Variants in DNAJB1 observed in about 807,000 individuals in gnomAD.
DNAJB1 encodes the protein DnaJ heat shock protein family (Hsp40) member B1, also known as dnaJ homolog subfamily B member 1.
In DNAJB1, 14 loss-of-function variants were observed where a neutral mutation model predicts 24.0. The ratio of observed to expected loss-of-function variants is 0.58; its 90% confidence interval spans 0.39 to 0.91. DNAJB1 has a LOEUF of 0.91. Ranked by LOEUF, DNAJB1 falls within the 40% of genes least tolerant of loss-of-function variation. The pLI is 0.00. For synonymous variants in DNAJB1, 262 were observed against 174.4 expected (o/e 1.50, Z -3.96); for missense variants, 517 against 458.1 (o/e 1.13, Z -1.17).
chr19:14,521,287 C>T (rs1047561774), upstream of DNAJB1, among the ~76,000 whole-genome samples: 1 of 151,732 alleles, frequency 6.6e-6, no homozygotes, highest in African/African-American at 2.4e-5. Flanking sequence ...GGTGAAACCC[C>T]GTCTCTACTA....
At position 14,516,236 on chromosome 19, in the gene DNAJB1, C is replaced by T. The variant is rs147299660; in HGVS notation, c.793-66G>A. Reference sequence around the variant, plus strand: ...AAGAGGCTCAGCTCTTGCCCAGAGGCCGTCTGCCATAGATAAGACCCATCA... The same window carrying T: ...AAGAGGCTCAGCTCTTGCCCAGAGGTCGTCTGCCATAGATAAGACCCATCA... On this transcript the variant is annotated intron_variant, in intron 2 of 2. Transcript: ENST00000254322. 1.3e-5 allele frequency: 21 copies of T among 1,572,416 alleles called. No individual in the cohort carries two copies. In the African/African-American group the frequency reaches 2.4e-4, roughly 18 times the overall value.
upstream of DNAJB1, among the ~76,000 whole-genome samples, chr19:14,554,261 G>A (rs1383768997): frequency 6.6e-6 from 1 of 152,200 alleles, no homozygotes; most frequent in Non-Finnish European, 1.5e-5. Context: ...CCCGGGCAGG[G>A]AACGTGAAAT....
chr19:14,517,214 A>G, intron 1 of DNAJB1, 168 bp from the exon 2 acceptor site: 1 of 631,576 alleles, frequency 1.6e-6, no homozygotes, highest in East Asian at 2.8e-5. Flanking sequence ...AACAGCAGAG[A>G]CGCCCCCCTA....
rs2072233592 is a variant in DNAJB1 at position 14,515,133 on chromosome 19, G to A, written c.*807C>T. On this transcript the variant is annotated 3_prime_UTR_variant, in exon 3 of 3. Coordinates refer to ENST00000254322, the MANE Select transcript of DNAJB1 (RefSeq NM_006145.3). ...AAATTCAAAAGGATCAGATCCCTTTGAAAGAGTCCATAGTCCATGAAACAA... is the reference window on the plus strand; with the variant it reads ...AAATTCAAAAGGATCAGATCCCTTTAAAAGAGTCCATAGTCCATGAAACAA... 1 of 152,626 alleles carries A rather than the reference G, an allele frequency of 6.6e-6. No homozygotes were observed. The highest frequency in any genetic ancestry group is 1.5e-5 in the Non-Finnish European group (1 of 68,034). The allele number at this position is 152,626 out of a possible 1,614,324, so 9.5% of individuals were successfully genotyped here.
chr19:14,542,136 ATTGTT>A (rs2146576526), intron 1 of DNAJB1, among the ~76,000 whole-genome samples: 1 of 151,912 alleles, frequency 6.6e-6, no homozygotes, highest in African/African-American at 2.4e-5. Context: ...CCTATGAATT[ATTGTT>A]TTTAGTAGAG....
chr19:14,521,008 T>C (rs2072353702), upstream of DNAJB1, among the ~76,000 whole-genome samples: 2 of 151,942 alleles, frequency 1.3e-5, no homozygotes, highest in South Asian at 4.2e-4. Context: ...AAAAAAATTA[T>C]ATAAATAACT....
At chr19:14,530,482 A>C (rs1325681663), upstream of DNAJB1, 1 of 152,236 alleles carries the variant, frequency 6.6e-6, no homozygotes, top group Non-Finnish European at 1.5e-5. Flanking sequence ...CAAATAATAA[A>C]ATTTGTTATT....
Position 14,537,014 on chromosome 19 carries a change from G to A in DNAJB1, c.-213-9204C>T, listed in dbSNP as rs372149298. ...GAGGAGGAGGTGGGGCTTGAGGACGGGGAGGGGTGTCGAGGAGGGGGAGGC... is the reference window on the plus strand; with the variant it reads ...GAGGAGGAGGTGGGGCTTGAGGACGAGGAGGGGTGTCGAGGAGGGGGAGGC... On this transcript the variant is annotated intron_variant, in intron 1 of 3. Transcript: ENST00000676982. Among the ~76,000 whole-genome samples, 9 of 145,988 alleles carry A rather than the reference G, an allele frequency of 6.2e-5. No homozygotes were observed. In the East Asian group the frequency reaches 1.6e-3, roughly 26 times the overall value.
chr19:14,550,262 C>T (rs2073450588), exon 1 of DNAJB1, among the ~76,000 whole-genome samples: 2 of 152,098 alleles, frequency 1.3e-5, no homozygotes, highest in Non-Finnish European at 2.9e-5. Context: ...GAGGATGAGC[C>T]TCCGTGCCTG....
Position 14,516,014 on chromosome 19 carries a change from C to G in DNAJB1, c.949G>C (p.Glu317Gln), listed in dbSNP as rs1437276279. 2.5e-6 allele frequency: 4 copies of G among 1,611,626 alleles called. No homozygotes were observed. Among genetic ancestry groups the G allele is most frequent in the Non-Finnish European group, 3.4e-6 (4 of 1,179,340 alleles). ...CTTTCGGGGAAGATCACTTCAAACT[C>G]AATAATGAGGTCCCCACGTTTCTCG... ...TPEKRGDLII[E>Q]FEVIFPERIP... The change falls in exon 3 of 3, where the codon GAG becomes CAG. Residue 317 changes from glutamate to glutamine, a missense_variant. Coordinates refer to ENST00000254322, the MANE Select transcript of DNAJB1 (RefSeq NM_006145.3).
rs1477280325 is a variant in DNAJB1, at chr19:14,516,595, G to A, written c.663C>T (p.Pro221=). 2 of 1,614,166 alleles carry A rather than the reference G, an allele frequency of 1.2e-6. No homozygotes were observed. The highest frequency in any genetic ancestry group is 1.7e-6 in the Non-Finnish European group (2 of 1,180,036). Residue 221 remains proline (P), a synonymous_variant, in exon 2 of 3, where the codon CCC becomes CCT. Coordinates refer to ENST00000254322, the MANE Select transcript of DNAJB1 (RefSeq NM_006145.3). ...TGTTGGAGGTCTGGTCTCCTTCCTT[G>A]GGGAAAGTGATTTTGGTTCCTTCTT... is the stretch of plus-strand genomic sequence containing the variant. ...GWKEGTKITF[P]KEGDQTSNNI...
chr19:14,555,937 T>A (rs1404450596), intron 1 of DNAJB1, among the ~76,000 whole-genome samples: 1 of 151,970 alleles, frequency 6.6e-6, no homozygotes, highest in African/African-American at 2.4e-5. Flanking sequence ...CTGCCCTCAC[T>A]CCTCCAGTCT....
chr19:14,546,390 C>T (rs1296743784), intron 1 of DNAJB1, among the ~76,000 whole-genome samples: 2 of 152,028 alleles, frequency 1.3e-5, no homozygotes, highest in Admixed American at 6.6e-5. Flanking sequence ...AGTTCAAGAC[C>T]AGCCTGGTCA....
At chr19:14,535,199 C>T (rs2072817458) in intron 1 of DNAJB1, among the ~76,000 whole-genome samples, 1 of 151,300 alleles carries the variant, frequency 6.6e-6, no homozygotes, top group Non-Finnish European at 1.5e-5. Flanking sequence ...ATGGCGAAAC[C>T]CCCTCTCCAC....
chr19:14,541,932 G>A (rs570611978), intron 1 of DNAJB1, among the ~76,000 whole-genome samples: 3 of 151,866 alleles, frequency 2.0e-5, no homozygotes, highest in East Asian at 1.9e-4. Flanking sequence ...ACCAGCTAAC[G>A]TGCCACCACG....
At chr19:14,550,416 C>G (rs2073457908), upstream of DNAJB1, among the ~76,000 whole-genome samples, 1 of 152,070 alleles carries the variant, frequency 6.6e-6, no homozygotes, top group South Asian at 2.1e-4. Flanking sequence ...GGGGGTTGGC[C>G]CGGATGAGCT....
chr19:14,543,964 C>A (rs1212864833), intron 1 of DNAJB1, among the ~76,000 whole-genome samples: 1 of 151,302 alleles, frequency 6.6e-6, no homozygotes, highest in African/African-American at 2.4e-5. Context: ...TCTCGAACTC[C>A]TGACCTCAAA....
chr19:14,515,604 C>CA lies in DNAJB1; in HGVS notation c.*335dup. On this transcript the variant is annotated 3_prime_UTR_variant, in exon 3 of 3. Coordinates refer to ENST00000254322, the MANE Select transcript of DNAJB1 (RefSeq NM_006145.3). ...TCTACCAGCCAGAAGCAAAAAGACA[C>CA]AGAGGGATCAAGTCCATCTGCTGGT... is the stretch of plus-strand genomic sequence containing the variant. 6.5e-6 allele frequency: 2 copies of CA among 308,310 alleles called. No homozygotes were observed. Among genetic ancestry groups the CA allele is most frequent in the Non-Finnish European group, 1.2e-5 (2 of 164,760 alleles). 19.1% of individuals were successfully genotyped at this position (308,310 alleles called of 1,614,324 possible).
intron 1 of DNAJB1, among the ~76,000 whole-genome samples, chr19:14,547,345 A>C (rs1462484102): frequency 9.9e-6 from 1 of 100,938 alleles, no homozygotes; most frequent in Non-Finnish European, 2.3e-5. Flanking sequence ...TACCTGGCCT[A>C]TTTTATTTTA....
Sources: gnomAD v4.1 joint callset for allele counts (sites outside exome capture counted in the v4.1 genomes callset) on GRCh38, gnomAD v4.1.1 for gene constraint, MANE v1.5 for transcripts, NCBI Gene and HGNC (gene_info 2026-07-23, HGNC 2026-07-21) for gene names.